The following IRF2 variants were observed in gnomAD, a reference collection of about 807,000 sequenced individuals.
IRF2 encodes the protein interferon regulatory factor 2.
A neutral mutation model predicts 40.6 loss-of-function variants in IRF2; 15 were observed. The observed-to-expected ratio is 0.37, with a 90% CI of 0.25 to 0.57. IRF2 has a LOEUF of 0.57. Ranked by LOEUF, IRF2 falls within the 20% of genes least tolerant of loss-of-function variation. The pLI, the probability that IRF2 is intolerant of heterozygous loss-of-function variation, is 0.77. For synonymous variants in IRF2, 151 were observed against 165.5 expected, an observed-to-expected ratio of 0.91 and a Z score of 0.67; for missense variants, 317 against 455.7, an observed-to-expected ratio of 0.70 and a Z score of 2.77.
intron 2 of IRF2, 159 bp downstream of exon 2, chr4:184,428,819 A>G: frequency 1.5e-6 from 1 of 683,048 alleles, no homozygotes; most frequent in Non-Finnish European, 2.7e-6. Context: ...AAAGCCTTTG[A>G]GATGATAACT....
intron 1 of IRF2, among the ~76,000 whole-genome samples, chr4:184,443,639 T>C (rs960556641): frequency 3.9e-5 from 6 of 152,238 alleles, no homozygotes; most frequent in African/African-American, 1.4e-4. Flanking sequence ...GTTAAGTCCA[T>C]ATCTTTGCTA....
chr4:184,418,830 C>A (rs570919173), intron 3 of IRF2, 122 bp from the exon 4 acceptor site: 83 of 745,758 alleles, frequency 1.1e-4, no homozygotes, highest in Non-Finnish European at 1.7e-4. Flanking sequence ...CCATGCTATA[C>A]CTCCAGTGAC....
chr4:184,432,301 C>T (rs1469376482), intron 1 of IRF2, among the ~76,000 whole-genome samples: 1 of 152,232 alleles, frequency 6.6e-6, no homozygotes, highest in Non-Finnish European at 1.5e-5. Flanking sequence ...TGAGGCTGGA[C>T]AAGGCCACAC....
intron 1 of IRF2, among the ~76,000 whole-genome samples, chr4:184,430,798 C>T (rs1413604128): frequency 2.0e-5 from 3 of 152,102 alleles, no homozygotes; most frequent in African/African-American, 7.2e-5. Flanking sequence ...TGGGCTCAAG[C>T]GATTTTCCCA....
intron 5 of IRF2, among the ~76,000 whole-genome samples, chr4:184,417,601 A>G (rs1272480699): frequency 6.6e-6 from 1 of 152,232 alleles, no homozygotes; most frequent in East Asian, 1.9e-4. Flanking sequence ...AGAAGCTGAC[A>G]CACACATGCA....
intron 1 of IRF2, among the ~76,000 whole-genome samples, chr4:184,450,516 G>A (rs1360175196): frequency 6.6e-6 from 1 of 152,146 alleles, no homozygotes. Context: ...CTGCTTATTA[G>A]AAAGTGGAAA....
At chr4:184,401,867 C>T (rs113816379) in intron 6 of IRF2, among the ~76,000 whole-genome samples, 2 of 152,210 alleles carry the variant, frequency 1.3e-5, no homozygotes, top group East Asian at 1.9e-4. Flanking sequence ...CTCCTTTGCA[C>T]GTTGCTCCTA....
At chr4:184,458,701 T>C (rs914941817) in intron 1 of IRF2, among the ~76,000 whole-genome samples, 1 of 152,254 alleles carries the variant, frequency 6.6e-6, no homozygotes, top group Non-Finnish European at 1.5e-5. Context: ...AACTCAGTTA[T>C]AATCCACACA....
chr4:184,391,446 G>C (rs1736259037), intron 7 of IRF2, among the ~76,000 whole-genome samples: 1 of 152,192 alleles, frequency 6.6e-6, no homozygotes, highest in Non-Finnish European at 1.5e-5. Context: ...TGCCTTGCTG[G>C]CCTTGATAAA....
chr4:184,405,009 G>A (rs11726382), intron 6 of IRF2, among the ~76,000 whole-genome samples: 35,759 of 152,114 alleles, frequency 0.24, 4,291 homozygotes, highest in African/African-American at 0.26. Context: ...TTGGGAGACC[G>A]AGGTAGGTGG....
At chr4:184,434,639 A>G (rs919102910) in intron 1 of IRF2, among the ~76,000 whole-genome samples, 1 of 152,246 alleles carries the variant, frequency 6.6e-6, no homozygotes, top group Non-Finnish European at 1.5e-5. Flanking sequence ...GCATCTGGCC[A>G]TAAGTCAATT....
intron 5 of IRF2, among the ~76,000 whole-genome samples, chr4:184,410,593 T>C (rs1180690523): frequency 6.6e-6 from 1 of 152,116 alleles, no homozygotes; most frequent in African/African-American, 2.4e-5. Context: ...TCCACCTCCA[T>C]CTCTTCAACT....
chr4:184,415,271 T>G (rs1737225972), intron 5 of IRF2, among the ~76,000 whole-genome samples: 2 of 152,250 alleles, frequency 1.3e-5, no homozygotes, highest in African/African-American at 4.8e-5. Flanking sequence ...GAAAAAAGTT[T>G]CAGGTATGAA....
intron 1 of IRF2, among the ~76,000 whole-genome samples, chr4:184,441,374 G>C (rs1340232190): frequency 6.6e-6 from 1 of 152,186 alleles, no homozygotes; most frequent in Non-Finnish European, 1.5e-5. Flanking sequence ...TGGAAACATC[G>C]TTTCCCGGCC....
chr4:184,429,082 G>A lies in IRF2; in HGVS notation c.-6-12C>T. 1 of 1,605,714 alleles carries A rather than the reference G, an allele frequency of 6.2e-7. No individual in the cohort carries two copies. Among genetic ancestry groups the A allele is most frequent in the Admixed American group, 1.7e-5 (1 of 59,858 alleles). On this transcript the variant is annotated splice_polypyrimidine_tract_variant and intron_variant, in intron 1 of 8. Transcript: ENST00000393593. ...ACCGGCATGGTGCCCTTGAGGGAGA[G>A]AAACACAGCGTCAGGCGTTGGTGCC...
At chr4:184,389,389 GC>G (rs998116660) in intron 8 of IRF2, among the ~76,000 whole-genome samples, 30 of 152,168 alleles carry the variant, frequency 2.0e-4, no homozygotes, top group African/African-American at 6.0e-4. Context: ...CTGCACTCCA[GC>G]CAGGGCAACA....
At chr4:184,418,416 A>T in intron 4 of IRF2, 116 bp downstream of exon 4, 1 of 1,048,312 alleles carries the variant, frequency 9.5e-7, no homozygotes, top group Non-Finnish European at 1.5e-6. Flanking sequence ...ATGATCCCCT[A>T]CAGCATGAAC....
At chr4:184,400,429 C>T (rs971483899) in intron 6 of IRF2, among the ~76,000 whole-genome samples, 6 of 152,106 alleles carry the variant, frequency 3.9e-5, no homozygotes, top group African/African-American at 9.7e-5. Flanking sequence ...TAGTATTCCA[C>T]GGTATAGGTG....
At chr4:184,430,799 G>A (rs767308300) in intron 1 of IRF2, among the ~76,000 whole-genome samples, 24 of 152,002 alleles carry the variant, frequency 1.6e-4, no homozygotes, top group Non-Finnish European at 3.2e-4. Flanking sequence ...GGGCTCAAGC[G>A]ATTTTCCCAC....
Sources: allele counts gnomAD v4.1 joint callset (sites outside exome capture counted in the v4.1 genomes callset), GRCh38; gene constraint gnomAD v4.1.1; transcripts MANE v1.5; gene names NCBI Gene and HGNC (gene_info 2026-07-23, HGNC 2026-07-21).